The following LZTS1 variants were observed in gnomAD, a reference collection of about 807,000 sequenced individuals.
LZTS1 encodes the protein leucine zipper putative tumor suppressor 1.
A neutral mutation model predicts 45.8 loss-of-function variants in LZTS1; 31 were observed. That is an observed-to-expected ratio of 0.68 (90% CI 0.51 to 0.91). LZTS1 has a LOEUF of 0.91. Among genes scored for constraint, LZTS1 ranks in the 40% least tolerant of loss-of-function variants. The pLI, the probability that LZTS1 is intolerant of heterozygous loss-of-function variation, is 0.00. For missense variants in LZTS1, 821 were observed against 788.9 expected, an observed-to-expected ratio of 1.04 and a Z score of -0.49; for synonymous variants, 359 against 357.3, an observed-to-expected ratio of 1.00 and a Z score of -0.05.
Position 20,255,016 on chromosome 8 carries a change from T to G in LZTS1, c.166A>C (p.Ser56Arg). The G allele has an allele frequency of 6.2e-7, 1 of 1,614,222 alleles. No individual in the cohort carries two copies. Among genetic ancestry groups the G allele is most frequent in the Non-Finnish European group, 8.5e-7 (1 of 1,180,038 alleles). Residue 56 changes from serine (S) to arginine (R), a missense_variant, in exon 2 of 4, where the codon AGC (serine) becomes CGC (arginine). Coordinates refer to ENST00000381569, the MANE Select transcript of LZTS1 (RefSeq NM_021020.5). ...FSQDSGHGKS[S>R]SKMGKSEDFF... Reference sequence around the variant, plus strand: ...TCTTCGCTCTTGCCCATTTTGGAGCTGGACTTGCCGTGACCGGAGTCCTGG... The same window carrying G: ...TCTTCGCTCTTGCCCATTTTGGAGCGGGACTTGCCGTGACCGGAGTCCTGG...
At position 20,246,926 on chromosome 8, in the gene LZTS1, G is replaced by A. The variant is rs1348880596; in HGVS notation, c.*2796C>T. ...CCTGGGGCCAGGCTCTGTGCTTGGA[G>A]GCTTCTGCTGTCCAGAGCCTCTTTC... On this transcript the variant is annotated 3_prime_UTR_variant, in exon 4 of 4. Coordinates refer to ENST00000381569, the MANE Select transcript of LZTS1 (RefSeq NM_021020.5). 6.6e-6 allele frequency: 1 copy of A among 152,350 alleles called. No homozygotes were observed. Among genetic ancestry groups the A allele is most frequent in the Non-Finnish European group, 1.5e-5 (1 of 68,138 alleles). 9.4% of individuals were successfully genotyped at this position (152,350 alleles called of 1,614,324 possible).
intron 1 of LZTS1, among the ~76,000 whole-genome samples, chr8:20,281,302 G>A (rs1048426983): frequency 5.9e-5 from 9 of 151,840 alleles, no homozygotes; most frequent in African/African-American, 2.2e-4. Flanking sequence ...GCTCACGCCT[G>A]TAATCCCAGC....
At chr8:20,258,512 T>C (rs896316356) in intron 1 of LZTS1, among the ~76,000 whole-genome samples, 18 of 152,230 alleles carry the variant, frequency 1.2e-4, no homozygotes, top group African/African-American at 4.3e-4. Flanking sequence ...ATATGTTCTA[T>C]ATTTTGTTAG....
At chr8:20,272,982 C>T (rs908264291) in intron 1 of LZTS1, among the ~76,000 whole-genome samples, 3 of 152,180 alleles carry the variant, frequency 2.0e-5, no homozygotes, top group Non-Finnish European at 4.4e-5. Context: ...CCAAGCTTCT[C>T]GAGAGAGACA....
chr8:20,248,043 G>C lies in LZTS1; in HGVS notation c.*1679C>G, dbSNP rs1585269147. 1 of 152,416 alleles carries C rather than the reference G, an allele frequency of 6.6e-6. No homozygotes were observed. The highest frequency in any genetic ancestry group is 2.4e-5 in the African/African-American group (1 of 41,454). The allele number at this position is 152,416 out of a possible 1,614,324, so 9.4% of individuals were successfully genotyped here. A position where few individuals can be genotyped will look rare whatever the true frequency, so the allele number is the denominator to read the frequency against. On this transcript the variant is annotated 3_prime_UTR_variant, in exon 4 of 4. Coordinates refer to ENST00000381569, the MANE Select transcript of LZTS1 (RefSeq NM_021020.5). ...AAGAATAAAAGAAAAATCTGGCCAG[G>C]CACGGTGGCTCACATCTGCAATCTC...
chr8:20,295,422 C>T (rs1049831034), intron 1 of LZTS1, among the ~76,000 whole-genome samples: 33 of 152,216 alleles, frequency 2.2e-4, no homozygotes, highest in African/African-American at 5.3e-4. Context: ...TCTTGCTTGC[C>T]TGGCTTTCCA....
At chr8:20,278,628 G>A (rs777286749) in intron 1 of LZTS1, among the ~76,000 whole-genome samples, 5 of 152,144 alleles carry the variant, frequency 3.3e-5, no homozygotes, top group Admixed American at 6.5e-5. Context: ...TACCTCCTCT[G>A]TCTAATTCTT....
rs140482448 is a variant in LZTS1 at position 20,291,255 on chromosome 8, ATAAGAGGG to A, written c.-135+12477_-135+12484del. ...CGTCTCCCTTTGCCAGGGTAAACAG[ATAAGAGGG>A]TAAGGAGGTAGCTCCGCAGGCAGCA... On this transcript the variant is annotated intron_variant, in intron 1 of 3. Coordinates refer to ENST00000381569, the MANE Select transcript of LZTS1 (RefSeq NM_021020.5). Among the ~76,000 whole-genome samples the A allele has an allele frequency of 5.6e-4, 86 of 152,312 alleles. 1 individual carries two copies. In the East Asian group the frequency reaches 0.017, roughly 29 times the overall value.
intron 1 of LZTS1, among the ~76,000 whole-genome samples, chr8:20,283,146 C>T (rs372060437): frequency 4.6e-5 from 7 of 152,240 alleles, no homozygotes; most frequent in South Asian, 2.1e-4. Context: ...TTCATGGATG[C>T]TCAGATGTGT....
intron 1 of LZTS1, among the ~76,000 whole-genome samples, chr8:20,296,857 C>T (rs949774427): frequency 1.3e-5 from 2 of 152,188 alleles, no homozygotes; most frequent in African/African-American, 4.8e-5. Flanking sequence ...GTTCCAGGTG[C>T]TGGACGCAAC....
chr8:20,263,821 G>A (rs1296388862), intron 1 of LZTS1, among the ~76,000 whole-genome samples: 8 of 152,118 alleles, frequency 5.3e-5, no homozygotes, highest in Non-Finnish European at 2.9e-5. Flanking sequence ...CCGAAGGCTC[G>A]CCTGATGCTC....
intron 1 of LZTS1, chr8:20,289,973 T>A (rs1035124051): frequency 6.6e-6 from 1 of 152,236 alleles, no homozygotes; most frequent in African/African-American, 2.4e-5. Flanking sequence ...GGAAGTCCCA[T>A]GGCTACCTGG....
At chr8:20,286,981 T>A (rs903843893) in intron 1 of LZTS1, among the ~76,000 whole-genome samples, 25 of 147,872 alleles carry the variant, frequency 1.7e-4, no homozygotes, top group African/African-American at 6.2e-4. Context: ...TTTAATGTTC[T>A]CTCTTGACTA....
At chr8:20,300,077 G>C (rs150762979) in intron 1 of LZTS1, among the ~76,000 whole-genome samples, 1 of 152,168 alleles carries the variant, frequency 6.6e-6, no homozygotes, top group Admixed American at 6.5e-5. Flanking sequence ...GTGGGGGCGA[G>C]TGTTCCCTCG....
At chr8:20,298,052 C>CT (rs908717124) in intron 1 of LZTS1, among the ~76,000 whole-genome samples, 42 of 151,274 alleles carry the variant, frequency 2.8e-4, no homozygotes, top group African/African-American at 5.1e-4. Flanking sequence ...TTTCACCTTT[C>CT]TTTTTTTTTG....
At chr8:20,297,041 T>C (rs1245121254) in intron 1 of LZTS1, among the ~76,000 whole-genome samples, 3 of 152,178 alleles carry the variant, frequency 2.0e-5, no homozygotes, top group Non-Finnish European at 2.9e-5. Context: ...CTTCCCACGA[T>C]GCTCCATCCA....
chr8:20,252,883 C>A lies in LZTS1; in HGVS notation c.1048G>T (p.Glu350Ter). The A allele has an allele frequency of 6.2e-7, 1 of 1,610,970 alleles. No homozygotes were observed. Among genetic ancestry groups the A allele is most frequent in the Non-Finnish European group, 8.5e-7 (1 of 1,179,032 alleles). The stretch of plus-strand genomic sequence containing the variant: ...AGGTCCTGCTCCTTCATGAGGCTCT[C>A]GAGCTCCTGCCGGAGCTGCCGCTTC... ...QEKRQLRQELESLMKEQDLLE... is the reference protein window; with the variant it reads ...QEKRQLRQEL Residue 350 changes from glutamate to a stop codon, truncating the protein, a stop_gained, in exon 3 of 4, where the codon GAG (glutamate) becomes TAG (stop). Coordinates refer to ENST00000381569, the MANE Select transcript of LZTS1 (RefSeq NM_021020.5). LOFTEE classifies it high-confidence loss of function.
intron 1 of LZTS1, 63 bp from the exon 2 acceptor site, chr8:20,255,378 C>G: frequency 1.7e-6 from 2 of 1,208,818 alleles, no homozygotes; most frequent in Non-Finnish European, 2.2e-6. Context: ...AGTGCTGATT[C>G]CGACTTCCAG....
chr8:20,287,694 A>C (rs1051729272), intron 1 of LZTS1, among the ~76,000 whole-genome samples: 2 of 152,072 alleles, frequency 1.3e-5, no homozygotes, highest in Non-Finnish European at 2.9e-5. Flanking sequence ...TGGAAGGCTG[A>C]GGCAGGTGGA....
Sources: allele counts gnomAD v4.1 joint callset (sites outside exome capture counted in the v4.1 genomes callset), GRCh38; gene constraint gnomAD v4.1.1; transcripts MANE v1.5; gene names NCBI Gene and HGNC (gene_info 2026-07-23, HGNC 2026-07-21).